ARAP2: variants seen among roughly 807,000 people sequenced by gnomAD.
The protein encoded by ARAP2 is arf-GAP with Rho-GAP domain, ANK repeat and PH domain-containing protein 2.
ARAP2 carries 148 observed loss-of-function variants against 194.5 expected under a neutral mutation model. The observed-to-expected ratio is 0.76, with a 90% CI of 0.67 to 0.87. ARAP2 has a LOEUF of 0.87. Among genes scored for constraint, ARAP2 ranks in the 40% least tolerant of loss-of-function variants. The pLI, the probability that ARAP2 is intolerant of heterozygous loss-of-function variation, is 0.00. For missense variants in ARAP2, 2,128 were observed against 1,989.7 expected (o/e 1.07, Z -1.32); for synonymous variants, 695 against 683.5 (o/e 1.02, Z -0.26).
chr4:36,070,283 A>G (rs1384319379), intron 32 of ARAP2, among the ~76,000 whole-genome samples: 3 of 152,224 alleles, frequency 2.0e-5, no homozygotes, highest in Non-Finnish European at 2.9e-5. Context: ...ATTGCCTTGA[A>G]TGCTATGAAG....
In ARAP2 at chr4:36,151,078, A is replaced by G. The variant is rs1373747676; in HGVS notation, c.2753-34T>C. Reference sequence around the variant, plus strand: ...TTGAAACAAAACAAATAACAAATTGAGCTAATCACGAATCCAATTTTAAAA... The same window carrying G: ...TTGAAACAAAACAAATAACAAATTGGGCTAATCACGAATCCAATTTTAAAA... On this transcript the variant is annotated intron_variant, in intron 15 of 32. Coordinates refer to ENST00000303965, the MANE Select transcript of ARAP2 (RefSeq NM_015230.4). 1.9e-6 allele frequency: 3 copies of G among 1,555,428 alleles called. No homozygotes were observed. In the South Asian group the frequency reaches 3.7e-5, roughly 19 times the overall value.
chr4:36,207,236 A>T (rs1397202366), intron 6 of ARAP2, among the ~76,000 whole-genome samples: 1 of 152,240 alleles, frequency 6.6e-6, no homozygotes, highest in African/African-American at 2.4e-5. Context: ...TATTATTTAC[A>T]GCTGCGAAAA....
chr4:36,184,737 T>C (rs2109880013), intron 8 of ARAP2, among the ~76,000 whole-genome samples: 1 of 152,350 alleles, frequency 6.6e-6, no homozygotes. Context: ...GTGAAATTCA[T>C]TTGGAGAGTC....
At chr4:36,070,384 AAG>A (rs1313698931) in intron 32 of ARAP2, among the ~76,000 whole-genome samples, 1 of 152,332 alleles carries the variant, frequency 6.6e-6, no homozygotes, top group African/African-American at 2.4e-5. Flanking sequence ...ATAATTTAAA[AAG>A]AGAGAGAGAT....
At chr4:36,227,193 A>C (rs541230740) in intron 2 of ARAP2, among the ~76,000 whole-genome samples, 2 of 152,296 alleles carry the variant, frequency 1.3e-5, no homozygotes, top group East Asian at 3.9e-4. Context: ...CCCAAGGCTC[A>C]GTTACCTCAA....
intron 3 of ARAP2, among the ~76,000 whole-genome samples, chr4:36,051,558 A>C (rs1034778542): frequency 6.6e-6 from 1 of 152,126 alleles, no homozygotes; most frequent in African/African-American, 2.4e-5. Flanking sequence ...AAGGCTATGA[A>C]GTTCTCCAAT....
At chr4:36,204,134 A>G (rs1047417123) in intron 6 of ARAP2, among the ~76,000 whole-genome samples, 1 of 152,210 alleles carries the variant, frequency 6.6e-6, no homozygotes, top group African/African-American at 2.4e-5. Flanking sequence ...TTTCAGGGCA[A>G]GAAGTCCAAC....
At chr4:36,147,789 A>C (rs1730002302) in intron 17 of ARAP2, 43 bp from the exon 18 acceptor site, 1 of 1,474,514 alleles carries the variant, frequency 6.8e-7, no homozygotes, top group African/African-American at 1.4e-5. Flanking sequence ...CAGTGAAAAT[A>C]GGAAATCCCT....
chr4:36,193,766 C>A (rs1742476170), intron 6 of ARAP2, 119 bp from the exon 7 acceptor site: 4 of 731,088 alleles, frequency 5.5e-6, no homozygotes, highest in South Asian at 2.6e-5. Context: ...CCATAGACAA[C>A]AATAGGCTAT....
chr4:36,194,603 T>C (rs1742675086), intron 6 of ARAP2, among the ~76,000 whole-genome samples: 1 of 152,358 alleles, frequency 6.6e-6, no homozygotes, highest in South Asian at 2.1e-4. Context: ...TCAGGAAGTG[T>C]AGAGAGCTTG....
chr4:36,161,834 C>G, intron 11 of ARAP2, among the ~76,000 whole-genome samples: 1 of 147,384 alleles, frequency 6.8e-6, no homozygotes, highest in East Asian at 2.0e-4. Flanking sequence ...CACGGCCTGG[C>G]GCGGTGGCTC....
Position 36,117,155 on chromosome 4 carries a change from G to T in ARAP2, c.3964-20C>A. 6.5e-7 allele frequency: 1 copy of T among 1,535,078 alleles called. No homozygotes were observed. Among genetic ancestry groups the T allele is most frequent in the Non-Finnish European group, 8.9e-7 (1 of 1,129,552 alleles). On this transcript the variant is annotated intron_variant, in intron 24 of 32. Coordinates refer to ENST00000303965, the MANE Select transcript of ARAP2 (RefSeq NM_015230.4). ...GGAAACCTAGAAAAGGGCAGAGGTA[G>T]AAACAACACAGATAAACATATTGTA...
chr4:36,147,275 A>C, intron 19 of ARAP2, 21 bp downstream of exon 19: 1 of 1,609,012 alleles, frequency 6.2e-7, no homozygotes, highest in Non-Finnish European at 8.5e-7. Context: ...GATAAGGAAT[A>C]AAAAGCAAAA....
intron 2 of ARAP2, among the ~76,000 whole-genome samples, chr4:36,216,004 G>A (rs1266221033): frequency 1.3e-5 from 2 of 151,964 alleles, no homozygotes; most frequent in East Asian, 1.9e-4. Context: ...ACAACATCTT[G>A]GGAGGCCAAG....
chr4:36,078,943 G>A (rs1000804434), intron 31 of ARAP2, among the ~76,000 whole-genome samples: 15 of 152,020 alleles, frequency 9.9e-5, no homozygotes, highest in Admixed American at 7.9e-4. Context: ...GGAGGCCAAG[G>A]TGGGCGGATC....
At chr4:36,167,082 A>G in intron 9 of ARAP2, 35 bp from the exon 10 acceptor site, 1 of 1,177,824 alleles carries the variant, frequency 8.5e-7, no homozygotes, top group Admixed American at 2.5e-5. Flanking sequence ...ACTATAAAGA[A>G]ACAAAAAAAA....
intron 3 of ARAP2, among the ~76,000 whole-genome samples, chr4:36,213,978 T>G (rs1388946274): frequency 1.3e-5 from 2 of 152,176 alleles, no homozygotes; most frequent in Admixed American, 1.3e-4. Flanking sequence ...TCAAAAAGAA[T>G]GTTCCCAAAC....
At position 36,026,248 on chromosome 4, in the gene ARAP2, C is replaced by T. The variant is rs558133268; in HGVS notation, n.608-6962G>A. On this transcript the variant is annotated intron_variant and non_coding_transcript_variant, in intron 5 of 12. Coordinates refer to the ARAP2 transcript ENST00000503225. ...TCTCTTAGAATTATCCAATGCCTGG[C>T]GAATTCCTAACTGTCAGACACCTTA... Among the ~76,000 whole-genome samples, 298 of 152,278 alleles carry T rather than the reference C, an allele frequency of 2.0e-3. 1 individual carries two copies. Among genetic ancestry groups the T allele is most frequent in the African/African-American group, 6.7e-3 (279 of 41,564 alleles).
chr4:36,045,209 G>T (rs1458416816), intron 5 of ARAP2, among the ~76,000 whole-genome samples: 1 of 152,086 alleles, frequency 6.6e-6, no homozygotes, highest in African/African-American at 2.4e-5. Flanking sequence ...CAAATAAATT[G>T]ACATCAGTAT....
Sources: gnomAD v4.1 joint callset for allele counts (sites outside exome capture counted in the v4.1 genomes callset) on GRCh38, gnomAD v4.1.1 for gene constraint, MANE v1.5 for transcripts, NCBI Gene and HGNC (gene_info 2026-07-23, HGNC 2026-07-21) for gene names.